Variants in BTBD9 observed in about 807,000 individuals in gnomAD.
The protein encoded by BTBD9 is BTB/POZ domain-containing protein 9.
Under a neutral mutation model 64.3 loss-of-function variants are expected in BTBD9, and 49 were observed. That is an observed-to-expected ratio of 0.76 (90% CI 0.61 to 0.97). The LOEUF (loss-of-function observed/expected upper bound fraction) is 0.97. Ranked by LOEUF, BTBD9 falls within the 50% of genes least tolerant of loss-of-function variation. BTBD9 has a pLI of 0.00. For synonymous variants in BTBD9, 260 were observed against 274.7 expected (o/e 0.95, Z 0.53); for missense variants, 598 against 762.1 (o/e 0.78, Z 2.53).
intron 6 of BTBD9, among the ~76,000 whole-genome samples, chr6:38,395,756 C>A (rs1263265565): frequency 2.6e-5 from 4 of 151,526 alleles, no homozygotes; most frequent in Non-Finnish European, 5.9e-5. Flanking sequence ...GTCGCCCAGG[C>A]TGGAGTGCAG....
chr6:38,495,429 G>C (rs1266181418), intron 6 of BTBD9, among the ~76,000 whole-genome samples: 1 of 152,202 alleles, frequency 6.6e-6, no homozygotes, highest in East Asian at 1.9e-4. Flanking sequence ...AGAGTTAGCA[G>C]GTATGGAGTC....
intron 1 of BTBD9, among the ~76,000 whole-genome samples, chr6:38,639,116 A>C (rs1315685557): frequency 6.6e-6 from 1 of 152,256 alleles, no homozygotes; most frequent in African/African-American, 2.4e-5. Flanking sequence ...AAATATAGCA[A>C]GATAACTAAG....
chr6:38,306,467 T>G (rs1762627454), intron 7 of BTBD9, among the ~76,000 whole-genome samples: 2 of 152,214 alleles, frequency 1.3e-5, no homozygotes, highest in South Asian at 4.1e-4. Context: ...TCAGACAAAT[T>G]TAATCTGCTG....
chr6:38,500,291 T>C (rs1163538997), intron 6 of BTBD9, among the ~76,000 whole-genome samples: 2 of 152,120 alleles, frequency 1.3e-5, no homozygotes, highest in Non-Finnish European at 2.9e-5. Context: ...GAGCTTGTCA[T>C]CTGAAATTAA....
intron 6 of BTBD9, among the ~76,000 whole-genome samples, chr6:38,359,424 G>A (rs1416534351): frequency 6.6e-6 from 1 of 152,208 alleles, no homozygotes; most frequent in Non-Finnish European, 1.5e-5. Flanking sequence ...AGGCAACTGT[G>A]TCATTCTGAG....
intron 9 of BTBD9, among the ~76,000 whole-genome samples, chr6:38,228,993 T>G (rs570438283): frequency 5.9e-5 from 9 of 151,952 alleles, no homozygotes; most frequent in East Asian, 5.8e-4. Context: ...GGTCAGGAGT[T>G]CAAGACCAGC....
rs1468972879 is a variant in BTBD9, at chr6:38,374,297, G to GTATATATATATATATATATATA, written c.1155-29205_1155-29204insTATATATATATATATATATATA. On this transcript the variant is annotated intron_variant, in intron 6 of 10. Transcript: ENST00000481247. ...AAAAAAAAAAAGTATATATATATAT[G>GTATATATATATATATATATATA]TATATATATGTATATATATATATAT... Among the ~76,000 whole-genome samples the GTATATATATATATATATATATA allele has an allele frequency of 9.3e-5, 5 of 53,694 alleles. No homozygotes were observed. In the Admixed American group the frequency reaches 9.9e-4, roughly 11 times the overall value. The allele number at this position is 53,694 out of a possible 152,430, so 35.2% of individuals were successfully genotyped here.
chr6:38,577,022 G>A (rs911430135), intron 6 of BTBD9, among the ~76,000 whole-genome samples: 2 of 152,170 alleles, frequency 1.3e-5, no homozygotes, highest in African/African-American at 4.8e-5. Flanking sequence ...TCTGGCTGAA[G>A]AGAAGCTCTG....
intron 6 of BTBD9, among the ~76,000 whole-genome samples, chr6:38,433,739 C>T (rs1214635356): frequency 6.6e-6 from 1 of 151,954 alleles, no homozygotes; most frequent in Non-Finnish European, 1.5e-5. Flanking sequence ...TGACATCTAC[C>T]ATGTTTTATT....
intron 5 of BTBD9, among the ~76,000 whole-genome samples, chr6:38,579,785 T>C (rs1776207598): frequency 6.6e-6 from 1 of 152,214 alleles, no homozygotes; most frequent in East Asian, 1.9e-4. Context: ...GGGTAGAGTG[T>C]TCACAATGTA....
chr6:38,384,548 A>G (rs1010256927), intron 6 of BTBD9, among the ~76,000 whole-genome samples: 3 of 152,208 alleles, frequency 2.0e-5, no homozygotes, highest in African/African-American at 7.2e-5. Context: ...AACTGCAATA[A>G]CCCATCACTG....
At chr6:38,514,196 A>G (rs964443638) in intron 6 of BTBD9, among the ~76,000 whole-genome samples, 5 of 152,254 alleles carry the variant, frequency 3.3e-5, no homozygotes, top group African/African-American at 1.2e-4. Context: ...CCATGGGGGT[A>G]CAACCAACAC....
chr6:38,199,330 C>G (rs1461397983), intron 9 of BTBD9, among the ~76,000 whole-genome samples: 1 of 151,656 alleles, frequency 6.6e-6, no homozygotes, highest in Non-Finnish European at 1.5e-5. Context: ...TGGAGAGTCC[C>G]TTTCGGGAGC....
intron 8 of BTBD9, among the ~76,000 whole-genome samples, chr6:38,278,981 A>C (rs1239977538): frequency 6.6e-6 from 1 of 152,208 alleles, no homozygotes; most frequent in Non-Finnish European, 1.5e-5. Context: ...AATCTGATAC[A>C]TTGCTGAAAG....
At chr6:38,472,507 A>G (rs963144331) in intron 6 of BTBD9, among the ~76,000 whole-genome samples, 12 of 152,150 alleles carry the variant, frequency 7.9e-5, no homozygotes, top group African/African-American at 1.4e-4. Flanking sequence ...CAGCAAGACG[A>G]TTCCTTGGTC....
At chr6:38,334,544 G>A (rs1763807635) in intron 7 of BTBD9, among the ~76,000 whole-genome samples, 1 of 151,352 alleles carries the variant, frequency 6.6e-6, no homozygotes, top group Non-Finnish European at 1.5e-5. Context: ...ACTCCAGCCT[G>A]GGTGACAGAG....
At chr6:38,313,744 T>C (rs560093809) in intron 7 of BTBD9, among the ~76,000 whole-genome samples, 1 of 151,206 alleles carries the variant, frequency 6.6e-6, no homozygotes, top group South Asian at 2.1e-4. Context: ...CATGATGAAT[T>C]ATCTTTTTTT....
At chr6:38,458,304 C>T (rs1244659328) in intron 6 of BTBD9, among the ~76,000 whole-genome samples, 1 of 152,016 alleles carries the variant, frequency 6.6e-6, no homozygotes, top group Non-Finnish European at 1.5e-5. Context: ...TGTCAGATAA[C>T]CAGGGTAAAT....
At chr6:38,602,626 T>C (rs1420161430) in intron 1 of BTBD9, among the ~76,000 whole-genome samples, 3 of 152,110 alleles carry the variant, frequency 2.0e-5, no homozygotes, top group Non-Finnish European at 4.4e-5. Flanking sequence ...TTATAATGTT[T>C]ATTTGTAGTA....
Sources: gnomAD v4.1 joint callset for allele counts (sites outside exome capture counted in the v4.1 genomes callset) on GRCh38, gnomAD v4.1.1 for gene constraint, MANE v1.5 for transcripts, NCBI Gene and HGNC (gene_info 2026-07-23, HGNC 2026-07-21) for gene names.